The following WASF3 variants were observed in gnomAD, a reference collection of about 807,000 sequenced individuals.
The protein encoded by WASF3 is WASP family member 3.
WASF3 carries 11 observed loss-of-function variants against 46.6 expected under a neutral mutation model. The observed-to-expected ratio is 0.24, with a 90% CI of 0.15 to 0.39. The LOEUF is 0.39. Ranked by LOEUF, WASF3 falls within the 10% of genes least tolerant of loss-of-function variation. The probability of loss-of-function intolerance (pLI) is 1.00; values close to 1 mark genes in which losing one functional copy is unlikely to be tolerated. For synonymous variants in WASF3, 242 were observed against 259.7 expected (o/e 0.93, Z 0.65); for missense variants, 576 against 669.8 (o/e 0.86, Z 1.55).
intron 1 of WASF3, among the ~76,000 whole-genome samples, chr13:26,599,701 C>T (rs944992439): frequency 6.6e-6 from 1 of 152,166 alleles, no homozygotes; most frequent in African/African-American, 2.4e-5. Context: ...ACCACTTTGC[C>T]ACAGATGAAA....
intron 3 of WASF3, among the ~76,000 whole-genome samples, chr13:26,651,545 C>A (rs1888546): frequency 0.27 from 40,989 of 152,074 alleles, 5,983 homozygotes; most frequent in Non-Finnish European, 0.34. Flanking sequence ...GTGAAAATAT[C>A]TTTTAAAAAT....
intron 1 of WASF3, among the ~76,000 whole-genome samples, chr13:26,593,926 C>T (rs888376334): frequency 6.6e-6 from 1 of 152,268 alleles, no homozygotes; most frequent in African/African-American, 2.4e-5. Context: ...TTAGTTGCTT[C>T]TGTGTTTTAT....
At chr13:26,616,485 A>G (rs762431367) in intron 2 of WASF3, among the ~76,000 whole-genome samples, 1 of 152,116 alleles carries the variant, frequency 6.6e-6, no homozygotes, top group Non-Finnish European at 1.5e-5. Context: ...AGAATTCTTT[A>G]TATATTCTGT....
intron 2 of WASF3, among the ~76,000 whole-genome samples, chr13:26,626,720 C>T (rs964588075): frequency 2.6e-4 from 40 of 152,086 alleles, no homozygotes; most frequent in Middle Eastern, 3.4e-3. Flanking sequence ...AAGGAATGAC[C>T]GTTATATCAA....
At chr13:26,663,452 T>C (rs1313008996) in intron 3 of WASF3, among the ~76,000 whole-genome samples, 2 of 152,234 alleles carry the variant, frequency 1.3e-5, no homozygotes, top group African/African-American at 2.4e-5. Flanking sequence ...TTGCATATTA[T>C]GGGAATGGGA....
rs188471011 is a variant in WASF3 at position 26,578,389 on chromosome 13, C to T, written c.-109+20570C>T. Among the ~76,000 whole-genome samples the T allele has an allele frequency of 3.9e-5, 6 of 152,246 alleles. No individual in the cohort carries two copies. In the East Asian group the frequency reaches 7.7e-4, roughly 20 times the overall value. Reference sequence around the variant, plus strand: ...CATTTTAGGCCTAACATAAATTGTTCGTAATTCAGTCATGCCCTGTCACCT... The same window carrying T: ...CATTTTAGGCCTAACATAAATTGTTTGTAATTCAGTCATGCCCTGTCACCT... On this transcript the variant is annotated intron_variant, in intron 1 of 9. Coordinates refer to ENST00000335327, the MANE Select transcript of WASF3 (RefSeq NM_006646.6).
At chr13:26,594,706 C>T (rs1880408836) in intron 1 of WASF3, among the ~76,000 whole-genome samples, 1 of 152,184 alleles carries the variant, frequency 6.6e-6, no homozygotes, top group Admixed American at 6.5e-5. Context: ...GTAGATCCTC[C>T]TTATTTAACA....
At chr13:26,548,339 C>T in the WASF3 span, among the ~76,000 whole-genome samples, 4 of 152,258 alleles carry the variant, frequency 2.6e-5, no homozygotes, top group Admixed American at 6.5e-5. Flanking sequence ...TCTTACTTTC[C>T]GAAGGTCAAT....
At chr13:26,640,803 TCTGAGGCACTAAAAG>T in intron 2 of WASF3, 1 of 152,158 alleles carries the variant, frequency 6.6e-6, no homozygotes, top group Non-Finnish European at 1.5e-5. Flanking sequence ...CTTATTTAAG[TCTGAGGCACTAAAAG>T]CTGGTGCACT....
intron 1 of WASF3, among the ~76,000 whole-genome samples, chr13:26,608,531 C>T (rs910788035): frequency 6.6e-6 from 1 of 152,138 alleles, no homozygotes; most frequent in African/African-American, 2.4e-5. Context: ...TTACTCTTCC[C>T]CACCAGATAA....
chr13:26,548,011 C>T, the WASF3 span, among the ~76,000 whole-genome samples: 4 of 152,140 alleles, frequency 2.6e-5, no homozygotes, highest in African/African-American at 9.7e-5. Context: ...CAAGGTTTTG[C>T]TCTATTAATA....
chr13:26,613,411 A>G (rs2137226319), intron 2 of WASF3, among the ~76,000 whole-genome samples: 1 of 152,200 alleles, frequency 6.6e-6, no homozygotes, highest in South Asian at 2.1e-4. Flanking sequence ...AATTTAACCA[A>G]TTCTTTGTTA....
chr13:26,573,043 TG>T (rs1879687172), intron 1 of WASF3, among the ~76,000 whole-genome samples: 1 of 152,224 alleles, frequency 6.6e-6, no homozygotes, highest in African/African-American at 2.4e-5. Context: ...AAAAAATTGA[TG>T]TAATATTGGG....
chr13:26,546,670 G>A, the WASF3 span, among the ~76,000 whole-genome samples: 1 of 152,086 alleles, frequency 6.6e-6, no homozygotes, highest in Non-Finnish European at 1.5e-5. Flanking sequence ...CGAGATCGCG[G>A]CACTGCACTC....
chr13:26,554,055 C>CCTTT (rs1879031445), upstream of WASF3, among the ~76,000 whole-genome samples: 1 of 70,664 alleles, frequency 1.4e-5, no homozygotes, highest in Non-Finnish European at 2.8e-5. Context: ...TTCCTTCCTT[C>CCTTT]CTTCCTTCCT....
At chr13:26,636,145 G>A (rs1389315849) in intron 2 of WASF3, among the ~76,000 whole-genome samples, 1 of 152,246 alleles carries the variant, frequency 6.6e-6, no homozygotes, top group African/African-American at 2.4e-5. Flanking sequence ...AGTAGGCCTT[G>A]CTGAGCTGTG....
At chr13:26,601,066 A>G (rs933777224) in intron 1 of WASF3, among the ~76,000 whole-genome samples, 2 of 152,356 alleles carry the variant, frequency 1.3e-5, no homozygotes, top group East Asian at 1.9e-4. Flanking sequence ...TTTAGGTGCA[A>G]TAACATTCAC....
chr13:26,638,943 G>T lies in WASF3; in HGVS notation c.-10-3318G>T, dbSNP rs182391512. Among the ~76,000 whole-genome samples, 186 of 152,284 alleles carry T rather than the reference G, an allele frequency of 1.2e-3. 4 individuals carry two copies. Among genetic ancestry groups the T allele is most frequent in the Non-Finnish European group, 2.1e-4 (14 of 68,018 alleles). On this transcript the variant is annotated intron_variant, in intron 2 of 9. Coordinates refer to ENST00000335327, the MANE Select transcript of WASF3 (RefSeq NM_006646.6). ...AAAGAGTCTGGCTTCCTTGGTTTCT[G>T]TTGTTTCTTCTCTCACCATGTGATC...
chr13:26,623,592 T>C (rs1213299381), intron 2 of WASF3, among the ~76,000 whole-genome samples: 6 of 152,178 alleles, frequency 3.9e-5, no homozygotes, highest in African/African-American at 1.2e-4. Context: ...GGACAGGAAC[T>C]CTTTCATGCC....
Sources: gnomAD v4.1 joint callset for allele counts (sites outside exome capture counted in the v4.1 genomes callset) on GRCh38, gnomAD v4.1.1 for gene constraint, MANE v1.5 for transcripts, NCBI Gene and HGNC (gene_info 2026-07-23, HGNC 2026-07-21) for gene names.